SH3PXD2B: variants seen among roughly 807,000 people sequenced by gnomAD.
SH3PXD2B encodes the protein SH3 and PX domains 2B, also known as SH3 and PX domain-containing protein 2B.
In SH3PXD2B, 37 loss-of-function variants were observed where a neutral mutation model predicts 73.1. That is an observed-to-expected ratio of 0.51 (90% CI 0.39 to 0.67). The LOEUF is 0.67. SH3PXD2B is among the 30% of genes least tolerant of loss of function. The probability of loss-of-function intolerance (pLI) is 0.00; values close to 1 mark genes in which losing one functional copy is unlikely to be tolerated. For missense variants in SH3PXD2B, 1,053 were observed against 1,197.8 expected, an observed-to-expected ratio of 0.88 and a Z score of 1.78; for synonymous variants, 457 against 480.5, an observed-to-expected ratio of 0.95 and a Z score of 0.64.
intron 3 of SH3PXD2B, among the ~76,000 whole-genome samples, chr5:172,397,118 A>G (rs1300286117): frequency 6.6e-6 from 1 of 152,190 alleles, no homozygotes; most frequent in East Asian, 1.9e-4. Flanking sequence ...AGCCCTGAGA[A>G]AGAGAATGCA....
At chr5:172,402,300 CCT>C (rs1442225034) in intron 3 of SH3PXD2B, among the ~76,000 whole-genome samples, 1 of 152,202 alleles carries the variant, frequency 6.6e-6, no homozygotes, top group Non-Finnish European at 1.5e-5. Context: ...GCTCTCAAAC[CCT>C]GTCTCCTGAT....
intron 6 of SH3PXD2B, among the ~76,000 whole-genome samples, chr5:172,363,617 G>C (rs1367981120): frequency 6.6e-6 from 1 of 152,160 alleles, no homozygotes; most frequent in African/African-American, 2.4e-5. Context: ...GGACCCGAGA[G>C]AGGAGGAGGG....
intron 6 of SH3PXD2B, among the ~76,000 whole-genome samples, chr5:172,367,317 T>C (rs1368477128): frequency 6.6e-6 from 1 of 151,932 alleles, no homozygotes; most frequent in African/African-American, 2.4e-5. Context: ...GTGAAGTCCC[T>C]GTGATGGTCC....
chr5:172,443,371 T>C (rs1164839880), intron 1 of SH3PXD2B, among the ~76,000 whole-genome samples: 1 of 152,176 alleles, frequency 6.6e-6, no homozygotes, highest in Non-Finnish European at 1.5e-5. Flanking sequence ...ATTTAATTCT[T>C]CCCCTTCTAC....
chr5:172,364,602 T>C (rs1561905844), intron 6 of SH3PXD2B, among the ~76,000 whole-genome samples: 1 of 151,970 alleles, frequency 6.6e-6, no homozygotes, highest in Non-Finnish European at 1.5e-5. Flanking sequence ...GAGGCAGAGG[T>C]TGCAGTGACC....
chr5:172,396,357 G>A (rs1450913003), intron 3 of SH3PXD2B, among the ~76,000 whole-genome samples: 2 of 150,200 alleles, frequency 1.3e-5, no homozygotes, highest in African/African-American at 4.9e-5. Context: ...CTGGGTGACA[G>A]AATAAGTGAG....
chr5:172,452,465 G>A (rs145135325), intron 1 of SH3PXD2B, among the ~76,000 whole-genome samples: 112 of 152,350 alleles, frequency 7.4e-4, no homozygotes, highest in African/African-American at 2.6e-3. Context: ...GGGAAGTGGT[G>A]TGGTCCTTTT....
chr5:172,339,271 G>T lies in SH3PXD2B; in HGVS notation c.1834C>A (p.Leu612Ile), dbSNP rs756935357. 1.3e-5 allele frequency: 21 copies of T among 1,614,092 alleles called. No homozygotes were observed. The highest frequency in any genetic ancestry group is 1.6e-5 in the Non-Finnish European group (19 of 1,180,054). The change falls in exon 13 of 13, where the codon CTC becomes ATC. Residue 612 changes from leucine to isoleucine, a missense_variant. This residue lies in a region of SH3PXD2B where 587 missense variants were observed against 590.7 expected (regional missense o/e 0.99). Transcript: ENST00000311601. This position sits in a 1 kb window ranked among gnomAD's most constrained non-coding sequence, Gnocchi z 6.1. ...VLAKEVKKPN[L>I]RPISKSKTDL... Reference sequence around the variant, plus strand: ...GTTTTGGATTTGGAGATGGGCCGGAGGTTGGGCTTCTTCACTTCCTTGGCC... The same window carrying T: ...GTTTTGGATTTGGAGATGGGCCGGATGTTGGGCTTCTTCACTTCCTTGGCC...
intron 10 of SH3PXD2B, among the ~76,000 whole-genome samples, chr5:172,349,905 G>A (rs1332161902): frequency 5.3e-5 from 8 of 151,946 alleles, no homozygotes; most frequent in Non-Finnish European, 7.4e-5. Context: ...GCTGGAGCGC[G>A]AGTGCAATGG....
chr5:172,327,438 G>A (rs1338941867), intron 12 of SH3PXD2B, among the ~76,000 whole-genome samples: 6 of 152,118 alleles, frequency 3.9e-5, no homozygotes, highest in East Asian at 1.9e-4. Flanking sequence ...GAATCCCAGC[G>A]GGTATATAAG....
intron 4 of SH3PXD2B, among the ~76,000 whole-genome samples, chr5:172,392,394 TA>T (rs1390937678): frequency 6.6e-6 from 1 of 152,190 alleles, no homozygotes; most frequent in Non-Finnish European, 1.5e-5. Context: ...AATGATGTTG[TA>T]AGCCAACCAG....
chr5:172,364,405 C>G (rs1409793068), intron 6 of SH3PXD2B, among the ~76,000 whole-genome samples: 1 of 152,166 alleles, frequency 6.6e-6, no homozygotes, highest in Non-Finnish European at 1.5e-5. Flanking sequence ...TGGCTCATGT[C>G]TGTAATCCCA....
intron 6 of SH3PXD2B, among the ~76,000 whole-genome samples, chr5:172,365,499 C>A (rs936666917): frequency 6.6e-6 from 1 of 152,180 alleles, no homozygotes; most frequent in Non-Finnish European, 1.5e-5. Context: ...GCTCTCCTTC[C>A]CCGAGGGCCT....
In SH3PXD2B at chr5:172,336,533, T is replaced by C; in HGVS notation, c.*1836A>G. ...GCAGAAGCAGCCAGCACCCACGTGA[T>C]AGGGGGTGGAGCTGGGAGGCGCGGC... On this transcript the variant is annotated 3_prime_UTR_variant, in exon 13 of 13. Coordinates refer to ENST00000311601, the MANE Select transcript of SH3PXD2B (RefSeq NM_001017995.3). The C allele has an allele frequency of 3.0e-6, 3 of 985,584 alleles. No homozygotes were observed. The highest frequency in any genetic ancestry group is 2.4e-6 in the Non-Finnish European group (2 of 829,880). The allele number at this position is 985,584 out of a possible 1,614,324, so 61.1% of individuals were successfully genotyped here. A position where few individuals can be genotyped will look rare whatever the true frequency, so the allele number is the denominator to read the frequency against.
In SH3PXD2B at chr5:172,336,604, T is replaced by A. The variant is rs1756698698; in HGVS notation, c.*1765A>T. The A allele has an allele frequency of 3.0e-6, 3 of 984,578 alleles. No homozygotes were observed. The highest frequency in any genetic ancestry group is 3.6e-6 in the Non-Finnish European group (3 of 829,906). The allele number at this position is 984,578 out of a possible 1,614,324, so 61.0% of individuals were successfully genotyped here. A position where few individuals can be genotyped will look rare whatever the true frequency, so the allele number is the denominator to read the frequency against. ...AAACTTTGGCACTGCAGGTAGACAC[T>A]GAGCATCCCCCCAAAAAACTGGCTT... is the stretch of plus-strand genomic sequence containing the variant. On this transcript the variant is annotated 3_prime_UTR_variant, in exon 13 of 13. Transcript: ENST00000311601.
rs1359449394 is a variant in SH3PXD2B, at chr5:172,337,956, G to A, written c.*413C>T. ...AAGAAGTTGGAGCAAAAGTCATCAT[G>A]GACTGGGTTGGCTGCCCCTTACTGT... On this transcript the variant is annotated 3_prime_UTR_variant, in exon 13 of 13. Coordinates refer to ENST00000311601, the MANE Select transcript of SH3PXD2B (RefSeq NM_001017995.3). 2.8e-6 allele frequency: 3 copies of A among 1,074,506 alleles called. No homozygotes were observed. The highest frequency in any genetic ancestry group is 2.3e-6 in the Non-Finnish European group (2 of 885,520). 66.6% of individuals were successfully genotyped at this position (1,074,506 alleles called of 1,614,324 possible). A position where few individuals can be genotyped will look rare whatever the true frequency, so the allele number is the denominator to read the frequency against.
At chr5:172,355,231 C>T (rs967002950) in intron 8 of SH3PXD2B, among the ~76,000 whole-genome samples, 10 of 152,212 alleles carry the variant, frequency 6.6e-5, no homozygotes, top group African/African-American at 2.2e-4. Flanking sequence ...CAGAGGGAGG[C>T]GGAAAACACA....
rs763216426 is a variant in SH3PXD2B at position 172,346,214 on chromosome 5, C to G, written c.1110G>C (p.Glu370Asp). The change falls in exon 12 of 13, where the codon GAG becomes GAC. Residue 370 changes from glutamate (E) to aspartate (D), a missense_variant. By Grantham distance (45) the Glu-to-Asp change is conservative. Around this residue, in one of 2 missense-constraint regions of SH3PXD2B, gnomAD observed 466 missense variants for 607.1 expected, o/e 0.77. Transcript: ENST00000311601. ...LPKPPIPPQV[E>D]EEYYTIAEFQ... Reference sequence around the variant, plus strand: ...ATTCGGCGATGGTGTAATACTCTTCCTCCACTTGGGGCGGGATGGGCGGCT... The same window carrying G: ...ATTCGGCGATGGTGTAATACTCTTCGTCCACTTGGGGCGGGATGGGCGGCT... 5.6e-6 allele frequency: 9 copies of G among 1,614,018 alleles called. No homozygotes were observed. Among genetic ancestry groups the G allele is most frequent in the African/African-American group, 1.3e-5 (1 of 74,938 alleles).
exon 13 of SH3PXD2B, chr5:172,325,241 T>G: frequency 6.9e-7 from 1 of 1,445,638 alleles, no homozygotes; most frequent in Non-Finnish European, 9.3e-7. Context: ...GTTTAGCAAA[T>G]TCATGTTCAC....
Sources: allele counts gnomAD v4.1 joint callset (sites outside exome capture counted in the v4.1 genomes callset), GRCh38; gene constraint gnomAD v4.1.1; regional missense constraint gnomAD v4.1.1; non-coding constraint Gnocchi (gnomAD v3.1); transcripts MANE v1.5; gene names NCBI Gene and HGNC (gene_info 2026-07-23, HGNC 2026-07-21).